SLC25A4: variants seen among roughly 807,000 people sequenced by gnomAD.
The protein encoded by SLC25A4 is solute carrier family 25 member 4.
Under a neutral mutation model 24.7 loss-of-function variants are expected in SLC25A4, and 10 were observed. The observed-to-expected ratio is 0.41, with a 90% CI of 0.25 to 0.69. The LOEUF (loss-of-function observed/expected upper bound fraction) is 0.69, where lower values mean the gene tolerates loss of function less well. Among genes scored for constraint, SLC25A4 ranks in the 30% least tolerant of loss-of-function variants. The pLI, the probability that SLC25A4 is intolerant of heterozygous loss-of-function variation, is 0.35. For synonymous variants in SLC25A4, 125 were observed against 153.3 expected, an observed-to-expected ratio of 0.82 and a Z score of 1.36; for missense variants, 273 against 387.6, an observed-to-expected ratio of 0.70 and a Z score of 2.48.
In SLC25A4 at chr4:185,145,653, A is replaced by G; in HGVS notation, c.599-106A>G. Reference sequence around the variant, plus strand: ...ACCTGCACAGGGGCAGGTTCCCCGCAAGGTCAGAGCATGGAGCTGGAGGTG... The same window carrying G: ...ACCTGCACAGGGGCAGGTTCCCCGCGAGGTCAGAGCATGGAGCTGGAGGTG... On this transcript the variant is annotated intron_variant, in intron 2 of 3. Transcript: ENST00000281456. The surrounding 1 kb of genome is among the most constrained non-coding windows in gnomAD (Gnocchi z 5.5). The G allele has an allele frequency of 7.0e-7, 1 of 1,425,546 alleles. No homozygotes were observed. The highest frequency in any genetic ancestry group is 2.3e-5 in the East Asian group (1 of 43,442). 88.3% of individuals were successfully genotyped at this position (1,425,546 alleles called of 1,614,324 possible). A position where few individuals can be genotyped will look rare whatever the true frequency, so the allele number is the denominator to read the frequency against.
At chr4:185,144,685 C>G in intron 1 of SLC25A4, 79 bp from the exon 2 acceptor site, 1 of 1,433,400 alleles carries the variant, frequency 7.0e-7, no homozygotes, top group Non-Finnish European at 9.6e-7. Context: ...CTAGGAAGTG[C>G]AAACCTTTTT....
rs1004675325 is a variant in SLC25A4 at position 185,145,978 on chromosome 4, C to T, written c.739+79C>T. On this transcript the variant is annotated intron_variant, in intron 3 of 3. Coordinates refer to ENST00000281456, the MANE Select transcript of SLC25A4 (RefSeq NM_001151.4). This position sits in a 1 kb window ranked among gnomAD's most constrained non-coding sequence, Gnocchi z 5.5. ...TTTTACAGGGCTCCTTTCAGTCTTC[C>T]TTACTGGAAATTAATTTTCAAAATT... 3.8e-5 allele frequency: 58 copies of T among 1,523,604 alleles called. No homozygotes were observed. The highest frequency in any genetic ancestry group is 4.5e-5 in the Non-Finnish European group (50 of 1,109,562). The allele number at this position is 1,523,604 out of a possible 1,614,324, so 94.4% of individuals were successfully genotyped here.
In SLC25A4 at chr4:185,145,084, T is replaced by C. The variant is rs1579209679; in HGVS notation, c.432T>C (p.Asp144=). The change falls in exon 2 of 4, where the codon GAT becomes GAC. Residue 144 remains aspartate (D), a synonymous_variant. Coordinates refer to ENST00000281456, the MANE Select transcript of SLC25A4 (RefSeq NM_001151.4). This position sits in a 1 kb window ranked among gnomAD's most constrained non-coding sequence, Gnocchi z 5.5. Reference sequence around the variant, plus strand: ...TTGCTAGGACCAGGTTGGCTGCTGATGTGGGCAAGGGCGCCGCCCAGCGTG... The same window carrying C: ...TTGCTAGGACCAGGTTGGCTGCTGACGTGGGCAAGGGCGCCGCCCAGCGTG... ...LDFARTRLAA[D]VGKGAAQREF... 2 of 1,613,904 alleles carry C rather than the reference T, an allele frequency of 1.2e-6. No individual in the cohort carries two copies. Among genetic ancestry groups the C allele is most frequent in the South Asian group, 2.2e-5 (2 of 91,082 alleles).
In SLC25A4 at chr4:185,143,455, C is replaced by T; in HGVS notation, c.83C>T (p.Pro28Leu). Residue 28 changes from proline (P) to leucine (L), a missense_variant, in exon 1 of 4, where the codon CCC becomes CTC. Pro to Leu is a moderately conservative substitution (Grantham distance 98, BLOSUM62 -3). Coordinates refer to ENST00000281456, the MANE Select transcript of SLC25A4 (RefSeq NM_001151.4). ...GCCGTCTCCAAGACCGCGGTCGCCC[C>T]CATCGAGAGGGTCAAACTGCTGCTG... is the stretch of plus-strand genomic sequence containing the variant. ...AAAVSKTAVA[P>L]IERVKLLLQV... 1 of 1,501,916 alleles carries T rather than the reference C, an allele frequency of 6.7e-7. No individual in the cohort carries two copies. The highest frequency in any genetic ancestry group is 8.9e-7 in the Non-Finnish European group (1 of 1,121,218). 93.0% of individuals were successfully genotyped at this position (1,501,916 alleles called of 1,614,324 possible).
At position 185,147,671 on chromosome 4, in the gene SLC25A4, A is replaced by G. The variant is rs1579211228; in HGVS notation, c.*700A>G. On this transcript the variant is annotated 3_prime_UTR_variant, in exon 4 of 4. Transcript: ENST00000281456. ...CTGTGACACCTAGAATTTTATGTTA[A>G]GTAGAGAGTATTCATTGAAAATCAA... 6.6e-6 allele frequency: 1 copy of G among 152,348 alleles called. No homozygotes were observed. Among genetic ancestry groups the G allele is most frequent in the African/African-American group, 2.4e-5 (1 of 41,450 alleles). The allele number at this position is 152,348 out of a possible 1,614,324, so 9.4% of individuals were successfully genotyped here. A position where few individuals can be genotyped will look rare whatever the true frequency, so the allele number is the denominator to read the frequency against.
At position 185,145,272 on chromosome 4, in the gene SLC25A4, G is replaced by A. The variant is rs182301102; in HGVS notation, c.598+22G>A. 2.0e-4 allele frequency: 325 copies of A among 1,613,646 alleles called. No homozygotes were observed. The highest frequency in any genetic ancestry group is 1.2e-3 in the Middle Eastern group (7 of 5,974). On this transcript the variant is annotated intron_variant, in intron 2 of 3. Coordinates refer to ENST00000281456, the MANE Select transcript of SLC25A4 (RefSeq NM_001151.4). This position sits in a 1 kb window ranked among gnomAD's most constrained non-coding sequence, Gnocchi z 5.5. ...AAGGGTGAGAGAGGGGCATCGGGGA[G>A]AAGGAGGGTGGTGTGGAAAGAGGAT...
In SLC25A4 at chr4:185,145,432, A is replaced by G. The variant is rs1734425164; in HGVS notation, c.598+182A>G. The G allele has an allele frequency of 5.7e-6, 5 of 879,238 alleles. No homozygotes were observed. Among genetic ancestry groups the G allele is most frequent in the Non-Finnish European group, 8.6e-6 (5 of 581,820 alleles). 54.5% of individuals were successfully genotyped at this position (879,238 alleles called of 1,614,324 possible). ...AGCTGAAGCGTTCCTTGTGTCCTCTACTGAAATAAACTCTGGCCTTTAGTT... is the reference window on the plus strand; with the variant it reads ...AGCTGAAGCGTTCCTTGTGTCCTCTGCTGAAATAAACTCTGGCCTTTAGTT... On this transcript the variant is annotated intron_variant, in intron 2 of 3. Coordinates refer to ENST00000281456, the MANE Select transcript of SLC25A4 (RefSeq NM_001151.4). This position sits in a 1 kb window ranked among gnomAD's most constrained non-coding sequence, Gnocchi z 5.5.
chr4:185,145,854 G>A lies in SLC25A4; in HGVS notation c.694G>A (p.Asp232Asn). 2 of 1,614,196 alleles carry A rather than the reference G, an allele frequency of 1.2e-6. No individual in the cohort carries two copies. Among genetic ancestry groups the A allele is most frequent in the Non-Finnish European group, 1.7e-6 (2 of 1,180,026 alleles). Residue 232 changes from aspartate (D) to asparagine (N), a missense_variant, in exon 3 of 4, where the codon GAC becomes AAC. Asp to Asn is a conservative substitution (Grantham distance 23). Transcript: ENST00000281456. This position sits in a 1 kb window ranked among gnomAD's most constrained non-coding sequence, Gnocchi z 5.5. ...CGCAGGGCTGGTGTCCTACCCCTTTGACACTGTTCGTCGTAGAATGATGAT... is the reference window on the plus strand; with the variant it reads ...CGCAGGGCTGGTGTCCTACCCCTTTAACACTGTTCGTCGTAGAATGATGAT... ...AVAGLVSYPF[D>N]TVRRRMMMQS...
chr4:185,145,481 C>A lies in SLC25A4; in HGVS notation c.598+231C>A. 1 of 699,646 alleles carries A rather than the reference C, an allele frequency of 1.4e-6. No homozygotes were observed. Among genetic ancestry groups the A allele is most frequent in the Non-Finnish European group, 2.3e-6 (1 of 426,294 alleles). 43.3% of individuals were successfully genotyped at this position (699,646 alleles called of 1,614,324 possible). A position where few individuals can be genotyped will look rare whatever the true frequency, so the allele number is the denominator to read the frequency against. On this transcript the variant is annotated intron_variant, in intron 2 of 3. Transcript: ENST00000281456. The surrounding 1 kb of genome is among the most constrained non-coding windows in gnomAD (Gnocchi z 5.5). Reference sequence around the variant, plus strand: ...TTATTCAGAGAGGAGGAGGGGGGAGCCTGTCTCCCTCTAGACACAGCCATA... The same window carrying A: ...TTATTCAGAGAGGAGGAGGGGGGAGACTGTCTCCCTCTAGACACAGCCATA...
chr4:185,146,704 C>T (rs2111287391), intron 3 of SLC25A4, 110 bp from the exon 4 acceptor site: 1 of 1,284,364 alleles, frequency 7.8e-7, no homozygotes, highest in Non-Finnish European at 1.1e-6. Flanking sequence ...ACTCCATGCC[C>T]AGATGACCCT....
At position 185,145,168 on chromosome 4, in the gene SLC25A4, G is replaced by A. The variant is rs145904515; in HGVS notation, c.516G>A (p.Gly172=). ...TCTTCAAGTCTGATGGCCTGAGGGG[G>A]CTCTACCAGGGTTTCAACGTCTCTG... is the stretch of plus-strand genomic sequence containing the variant. ...IKIFKSDGLR[G]LYQGFNVSVQ... Residue 172 remains glycine, a synonymous_variant, in exon 2 of 4, where the codon GGG becomes GGA. Coordinates refer to ENST00000281456, the MANE Select transcript of SLC25A4 (RefSeq NM_001151.4). The surrounding 1 kb of genome is among the most constrained non-coding windows in gnomAD (Gnocchi z 5.5). 40 of 1,613,842 alleles carry A rather than the reference G, an allele frequency of 2.5e-5. No homozygotes were observed. The African/African-American group carries it at 4.3e-4, about 17-fold the overall frequency.
At position 185,143,298 on chromosome 4, in the gene SLC25A4, C is replaced by T. The variant is rs1342561412; in HGVS notation, c.-75C>T. ...TAGCGTCGCGCAGGGTCGGGGACTG[C>T]GCGGCGGTGCCAGGCCGGGCGTGGG... is the stretch of plus-strand genomic sequence containing the variant. On this transcript the variant is annotated 5_prime_UTR_variant, in exon 1 of 4. Transcript: ENST00000281456. 2.2e-5 allele frequency: 19 copies of T among 845,450 alleles called. No homozygotes were observed. Among genetic ancestry groups the T allele is most frequent in the African/African-American group, 1.1e-4 (6 of 56,016 alleles). The allele number at this position is 845,450 out of a possible 1,614,324, so 52.4% of individuals were successfully genotyped here.
In SLC25A4 at chr4:185,147,101, T is replaced by C. The variant is rs1027002168; in HGVS notation, c.*130T>C. 2.6e-6 allele frequency: 2 copies of C among 772,324 alleles called. No homozygotes were observed. The highest frequency in any genetic ancestry group is 4.5e-5 in the Admixed American group (2 of 44,568). 47.8% of individuals were successfully genotyped at this position (772,324 alleles called of 1,614,324 possible). On this transcript the variant is annotated 3_prime_UTR_variant, in exon 4 of 4. Coordinates refer to ENST00000281456, the MANE Select transcript of SLC25A4 (RefSeq NM_001151.4). ...TGGGATAAAACCAGACTGAAAGGAA[T>C]ACCTCAGAAGAGATGCTTCATTGAG...
rs1431890150 is a variant in SLC25A4, at chr4:185,144,823, T to G, written c.171T>G (p.Cys57Trp). ...AGCAGTACAAAGGGATCATTGATTGTGTGGTGAGAATCCCTAAGGAGCAGG... is the reference window on the plus strand; with the variant it reads ...AGCAGTACAAAGGGATCATTGATTGGGTGGTGAGAATCCCTAAGGAGCAGG... Reference protein sequence around the residue: ...AEKQYKGIIDCVVRIPKEQGF... With the variant: ...AEKQYKGIIDWVVRIPKEQGF... The change falls in exon 2 of 4, where the codon TGT (cysteine) becomes TGG (tryptophan). Residue 57 changes from cysteine to tryptophan, a missense_variant. By Grantham distance (215) the Cys-to-Trp change is radical. Transcript: ENST00000281456. 6.2e-7 allele frequency: 1 copy of G among 1,613,996 alleles called. No individual in the cohort carries two copies. The highest frequency in any genetic ancestry group is 8.5e-7 in the Non-Finnish European group (1 of 1,180,036).
rs1461882471 is a variant in SLC25A4 at position 185,145,787 on chromosome 4, C to T, written c.627C>T (p.His209=). 12 of 1,614,236 alleles carry T rather than the reference C, an allele frequency of 7.4e-6. No homozygotes were observed. The highest frequency in any genetic ancestry group is 1.0e-5 in the Non-Finnish European group (12 of 1,180,036). ...TGCTGCCTGACCCCAAGAACGTGCACATTTTTGTGAGCTGGATGATTGCCC... is the reference window on the plus strand; with the variant it reads ...TGCTGCCTGACCCCAAGAACGTGCATATTTTTGTGAGCTGGATGATTGCCC... The part of the protein sequence containing the change: ...KGMLPDPKNV[H]IFVSWMIAQS... Residue 209 remains histidine, a synonymous_variant, in exon 3 of 4, where the codon CAC becomes CAT. Transcript: ENST00000281456. The surrounding 1 kb of genome is among the most constrained non-coding windows in gnomAD (Gnocchi z 5.5).
rs545817298 is a variant in SLC25A4, at chr4:185,145,657, T to C, written c.599-102T>C. Reference sequence around the variant, plus strand: ...GCACAGGGGCAGGTTCCCCGCAAGGTCAGAGCATGGAGCTGGAGGTGCAGT... The same window carrying C: ...GCACAGGGGCAGGTTCCCCGCAAGGCCAGAGCATGGAGCTGGAGGTGCAGT... On this transcript the variant is annotated intron_variant, in intron 2 of 3. Coordinates refer to ENST00000281456, the MANE Select transcript of SLC25A4 (RefSeq NM_001151.4). This position sits in a 1 kb window ranked among gnomAD's most constrained non-coding sequence, Gnocchi z 5.5. The C allele has an allele frequency of 8.1e-5, 118 of 1,456,956 alleles. No homozygotes were observed. The South Asian group carries it at 9.5e-4, about 12-fold the overall frequency. 90.3% of individuals were successfully genotyped at this position (1,456,956 alleles called of 1,614,324 possible). A position where few individuals can be genotyped will look rare whatever the true frequency, so the allele number is the denominator to read the frequency against.
Position 185,147,329 on chromosome 4 carries a change from AATGC to A in SLC25A4, c.*361_*364del. The A allele has an allele frequency of 4.4e-6, 1 of 225,248 alleles. No homozygotes were observed. Among genetic ancestry groups the A allele is most frequent in the Non-Finnish European group, 8.8e-6 (1 of 113,108 alleles). 14.0% of individuals were successfully genotyped at this position (225,248 alleles called of 1,614,324 possible). ...TAAAATGCATTTTTAAAAGATCAAA[AATGC>A]ATATTTTCTAGCATGATTCATGTAT... On this transcript the variant is annotated 3_prime_UTR_variant, in exon 4 of 4. Coordinates refer to ENST00000281456, the MANE Select transcript of SLC25A4 (RefSeq NM_001151.4).
intron 1 of SLC25A4, among the ~76,000 whole-genome samples, chr4:185,143,820 A>G (rs1734389402): frequency 6.6e-6 from 1 of 152,126 alleles, no homozygotes; most frequent in Admixed American, 6.5e-5. Context: ...AGTGATTGCC[A>G]GTATTTTTGG....
rs529741291 is a variant in SLC25A4 at position 185,143,500 on chromosome 4, G to A, written c.111+17G>A. 9 of 1,208,090 alleles carry A rather than the reference G, an allele frequency of 7.4e-6. No homozygotes were observed. The highest frequency in any genetic ancestry group is 3.2e-5 in the African/African-American group (2 of 63,096). 74.8% of individuals were successfully genotyped at this position (1,208,090 alleles called of 1,614,324 possible). On this transcript the variant is annotated intron_variant, in intron 1 of 3. Coordinates refer to ENST00000281456, the MANE Select transcript of SLC25A4 (RefSeq NM_001151.4). ...CTGCTGCAGGTGAGGACCGCGCGGT[G>A]CAAGAGGCGGGCGCGGGCGCGGCGG...
Sources: gnomAD v4.1 joint callset for allele counts (sites outside exome capture counted in the v4.1 genomes callset) on GRCh38, gnomAD v4.1.1 for gene constraint, Gnocchi (gnomAD v3.1) non-coding constraint, MANE v1.5 for transcripts, NCBI Gene and HGNC (gene_info 2026-07-23, HGNC 2026-07-21) for gene names.